Variants in MALRD1 observed in about 807,000 individuals in gnomAD.
The protein encoded by MALRD1 is MAM and LDL-receptor class A domain-containing protein 1.
MALRD1 carries 247 observed loss-of-function variants against 242.1 expected under a neutral mutation model. That is an observed-to-expected ratio of 1.02 (90% CI 0.92 to 1.13). MALRD1 has a LOEUF of 1.13. Among genes scored for constraint, MALRD1 ranks in the 50% most tolerant of loss-of-function variants. The probability of loss-of-function intolerance (pLI) is 0.00; values close to 1 mark genes in which losing one functional copy is unlikely to be tolerated. For missense variants in MALRD1, 2,989 were observed against 2,533.1 expected, an observed-to-expected ratio of 1.18 and a Z score of -3.86; for synonymous variants, 995 against 866.6, an observed-to-expected ratio of 1.15 and a Z score of -2.60.
intron 38 of MALRD1, 152 bp from the exon 39 acceptor site, chr10:19,730,554 A>AAATAAAT: frequency 1.2e-6 from 1 of 863,896 alleles, no homozygotes; most frequent in Admixed American, 2.1e-5. Context: ...AAAAAATAAA[A>AAATAAAT]AACAAACTTT....
chr10:19,200,074 G>A (rs1421943658), intron 14 of MALRD1, among the ~76,000 whole-genome samples: 4 of 152,178 alleles, frequency 2.6e-5, no homozygotes, highest in African/African-American at 9.6e-5. Context: ...GCTGCCATGA[G>A]CTGAGGTCAT....
intron 32 of MALRD1, among the ~76,000 whole-genome samples, chr10:19,567,133 G>A (rs1328838167): frequency 6.6e-6 from 1 of 152,140 alleles, no homozygotes; most frequent in Non-Finnish European, 1.5e-5. Flanking sequence ...CATGTATCAT[G>A]AGGGTCCTCT....
At chr10:19,651,915 T>C (rs7091038) in intron 36 of MALRD1, among the ~76,000 whole-genome samples, 6,363 of 152,092 alleles carry the variant, frequency 0.042, 415 homozygotes, top group African/African-American at 0.14. Flanking sequence ...CACTTGGAGG[T>C]CTGGAGAACA....
intron 36 of MALRD1, among the ~76,000 whole-genome samples, chr10:19,631,077 A>G (rs1839876683): frequency 6.6e-6 from 1 of 152,094 alleles, no homozygotes; most frequent in Non-Finnish European, 1.5e-5. Flanking sequence ...TGTTGGACAG[A>G]TTATTCATCA....
intron 31 of MALRD1, among the ~76,000 whole-genome samples, chr10:19,516,968 GAC>G (rs1320080929): frequency 6.6e-6 from 1 of 152,126 alleles, no homozygotes; most frequent in Non-Finnish European, 1.5e-5. Context: ...GCCCAGTTAA[GAC>G]AAGATGGCCA....
chr10:19,405,350 C>T (rs1046323321), intron 28 of MALRD1, among the ~76,000 whole-genome samples: 1 of 152,114 alleles, frequency 6.6e-6, no homozygotes, highest in Non-Finnish European at 1.5e-5. Context: ...ATTTTTATAT[C>T]TACCACAGAG....
intron 24 of MALRD1, among the ~76,000 whole-genome samples, chr10:19,338,562 C>T (rs1843705908): frequency 6.7e-6 from 1 of 148,470 alleles, no homozygotes. Context: ...CCAGGTCCCT[C>T]CCTGACATGT....
intron 2 of MALRD1, among the ~76,000 whole-genome samples, chr10:19,076,615 T>A (rs1405738579): frequency 6.6e-6 from 1 of 152,046 alleles, no homozygotes; most frequent in African/African-American, 2.4e-5. Flanking sequence ...ACTTTTGAAC[T>A]CTCAATGCGA....
At chr10:19,087,541 C>T (rs1027320265) in intron 2 of MALRD1, among the ~76,000 whole-genome samples, 1 of 112,196 alleles carries the variant, frequency 8.9e-6, no homozygotes, top group Admixed American at 9.6e-5. Context: ...CACGTTGTCT[C>T]GTTTCTTTTT....
intron 28 of MALRD1, among the ~76,000 whole-genome samples, chr10:19,412,513 T>G (rs1470740714): frequency 3.3e-5 from 5 of 152,168 alleles, no homozygotes; most frequent in Admixed American, 3.3e-4. Context: ...TACAAGTGAT[T>G]CAGTGGGGAA....
rs538144420 is a variant in MALRD1 at position 19,341,540 on chromosome 10, A to T, written c.3902-6231A>T. ...TGTATATATGTATATATATACACAC[A>T]TATATATACACACACACGTATTTTA... On this transcript the variant is annotated intron_variant, in intron 24 of 39. Coordinates refer to ENST00000454679, the MANE Select transcript of MALRD1 (RefSeq NM_001142308.3). Among the ~76,000 whole-genome samples the T allele has an allele frequency of 2.6e-3, 384 of 144,920 alleles. 2 individuals are homozygous for T. Among genetic ancestry groups the T allele is most frequent in the African/African-American group, 9.2e-3 (363 of 39,508 alleles).
At chr10:19,366,999 A>G (rs973338136) in intron 26 of MALRD1, among the ~76,000 whole-genome samples, 7 of 152,140 alleles carry the variant, frequency 4.6e-5, no homozygotes, top group African/African-American at 1.7e-4. Context: ...AAATTGCCAC[A>G]TCATAATTGT....
intron 33 of MALRD1, among the ~76,000 whole-genome samples, chr10:19,578,538 A>C (rs1836943086): frequency 6.6e-6 from 1 of 152,134 alleles, no homozygotes; most frequent in African/African-American, 2.4e-5. Context: ...CTAAAAATAC[A>C]AAAATTAGCT....
chr10:19,564,882 A>G (rs538972230), intron 32 of MALRD1, among the ~76,000 whole-genome samples: 54 of 152,294 alleles, frequency 3.5e-4, no homozygotes, highest in African/African-American at 1.3e-3. Context: ...AATATATGCT[A>G]TAATTTTAGT....
intron 26 of MALRD1, among the ~76,000 whole-genome samples, chr10:19,369,271 T>C (rs964583811): frequency 6.8e-6 from 1 of 146,818 alleles, no homozygotes; most frequent in African/African-American, 2.5e-5. Flanking sequence ...TTGTATACAT[T>C]TATGGTGTAT....
rs922720906 is a variant in MALRD1, at chr10:19,586,910, G to A, written c.5681-8284G>A. 2.0e-5 allele frequency among the ~76,000 whole-genome samples: 3 copies of A among 152,366 alleles called. No individual in the cohort carries two copies. The East Asian group carries it at 5.8e-4, about 29-fold the overall frequency. On this transcript the variant is annotated intron_variant, in intron 33 of 39. Transcript: ENST00000454679. ...GGGCCTAGGACACTCCGAGCCAGGTGTGGGATATAATCTCCTGGTGCTCCG... is the reference window on the plus strand; with the variant it reads ...GGGCCTAGGACACTCCGAGCCAGGTATGGGATATAATCTCCTGGTGCTCCG...
At chr10:19,462,142 C>G (rs568880995) in intron 29 of MALRD1, among the ~76,000 whole-genome samples, 1 of 152,272 alleles carries the variant, frequency 6.6e-6, no homozygotes, top group South Asian at 2.1e-4. Context: ...TTCACTATGT[C>G]TTATTTTCTG....
At chr10:19,193,030 G>A (rs1051070689) in intron 14 of MALRD1, among the ~76,000 whole-genome samples, 1 of 151,772 alleles carries the variant, frequency 6.6e-6, no homozygotes, top group African/African-American at 2.4e-5. Context: ...TTGTTCTTTT[G>A]TGCTCACAGG....
chr10:19,297,490 G>T (rs1841760372), intron 21 of MALRD1, among the ~76,000 whole-genome samples: 2 of 151,806 alleles, frequency 1.3e-5, no homozygotes. Context: ...TGGGGTAAGA[G>T]TATAGATCAT....
Sources: gnomAD v4.1 joint callset for allele counts (sites outside exome capture counted in the v4.1 genomes callset) on GRCh38, gnomAD v4.1.1 for gene constraint, MANE v1.5 for transcripts, NCBI Gene and HGNC (gene_info 2026-07-23, HGNC 2026-07-21) for gene names.